SOBP: variants seen among roughly 807,000 people sequenced by gnomAD.
The protein encoded by SOBP is sine oculis-binding protein homolog.
In SOBP, 4 loss-of-function variants were observed where a neutral mutation model predicts 53.6. That is an observed-to-expected ratio of 0.07 (90% CI 0.04 to 0.17). The LOEUF is 0.17. Among genes scored for constraint, SOBP ranks in the 10% least tolerant of loss-of-function variants. The probability of loss-of-function intolerance (pLI) is 1.00; values close to 1 mark genes in which losing one functional copy is unlikely to be tolerated. For missense variants in SOBP, 1,088 were observed against 1,204.7 expected (o/e 0.90, Z 1.43); for synonymous variants, 584 against 522.6 (o/e 1.12, Z -1.60).
chr6:107,516,000 T>C (rs1783308649), intron 3 of SOBP, among the ~76,000 whole-genome samples: 1 of 152,078 alleles, frequency 6.6e-6, no homozygotes, highest in Admixed American at 6.5e-5. Flanking sequence ...GCAACAATTT[T>C]GATAAAATTT....
intron 4 of SOBP, among the ~76,000 whole-genome samples, chr6:107,547,733 A>G (rs1784341664): frequency 6.6e-6 from 1 of 152,238 alleles, no homozygotes; most frequent in African/African-American, 2.4e-5. Flanking sequence ...CAGATGGTTT[A>G]ATACATAGTA....
intron 4 of SOBP, among the ~76,000 whole-genome samples, chr6:107,542,811 A>G (rs1481336616): frequency 6.6e-6 from 1 of 150,564 alleles, no homozygotes. Context: ...CCAGGGAGGG[A>G]TGCTGTTGGG....
At chr6:107,520,592 T>C (rs1783454630) in intron 3 of SOBP, among the ~76,000 whole-genome samples, 1 of 152,200 alleles carries the variant, frequency 6.6e-6, no homozygotes. Context: ...ACTTTCAGGA[T>C]ACCTTGTCCC....
At chr6:107,551,416 G>A (rs1274094650) in intron 4 of SOBP, among the ~76,000 whole-genome samples, 3 of 151,830 alleles carry the variant, frequency 2.0e-5, no homozygotes, top group South Asian at 2.1e-4. Context: ...AATTTAGTAC[G>A]CACACACACA....
intron 5 of SOBP, among the ~76,000 whole-genome samples, chr6:107,605,317 C>T (rs1786334008): frequency 6.6e-6 from 1 of 152,250 alleles, no homozygotes; most frequent in Non-Finnish European, 1.5e-5. Context: ...ATGGGGCTAG[C>T]AAACTGAAGT....
chr6:107,501,460 A>G (rs189514636), intron 1 of SOBP, among the ~76,000 whole-genome samples: 4 of 152,358 alleles, frequency 2.6e-5, no homozygotes, highest in East Asian at 1.9e-4. Context: ...TGACCGGTCT[A>G]TAAAACTGGA....
chr6:107,643,486 G>A (rs1307876341), intron 6 of SOBP, among the ~76,000 whole-genome samples: 5 of 151,854 alleles, frequency 3.3e-5, no homozygotes, highest in African/African-American at 9.7e-5. Flanking sequence ...ACGCGATCTC[G>A]GCCCACTATA....
intron 2 of SOBP, among the ~76,000 whole-genome samples, chr6:107,505,677 G>A (rs982691033): frequency 1.3e-5 from 2 of 151,908 alleles, no homozygotes; most frequent in Non-Finnish European, 2.9e-5. Context: ...TTGAGATGGA[G>A]TCTTGCTCTG....
At chr6:107,532,917 G>T (rs1191138661) in intron 3 of SOBP, among the ~76,000 whole-genome samples, 2 of 152,136 alleles carry the variant, frequency 1.3e-5, no homozygotes, top group East Asian at 3.9e-4. Flanking sequence ...GACTAAACGT[G>T]TTGCTTGGGA....
At chr6:107,657,216 C>T (rs924529469) in intron 6 of SOBP, among the ~76,000 whole-genome samples, 11 of 152,190 alleles carry the variant, frequency 7.2e-5, no homozygotes, top group Non-Finnish European at 1.5e-4. Context: ...TATTTCAAAC[C>T]AAGTGACTGG....
At chr6:107,627,500 G>A (rs1274840966) in intron 5 of SOBP, among the ~76,000 whole-genome samples, 1 of 152,200 alleles carries the variant, frequency 6.6e-6, no homozygotes, top group Non-Finnish European at 1.5e-5. Flanking sequence ...ATGGTATAAA[G>A]TTCCTACAGG....
chr6:107,634,505 G>T lies in SOBP; in HGVS notation c.1661G>T (p.Gly554Val). The T allele has an allele frequency of 6.2e-7, 1 of 1,611,484 alleles. No homozygotes were observed. The highest frequency in any genetic ancestry group is 8.5e-7 in the Non-Finnish European group (1 of 1,179,878). Reference sequence around the variant, plus strand: ...GTCAGCGACTCCAAGCCCCCCAACGGGTTCTCCAGCAACGGGGAGAACTTC... The same window carrying T: ...GTCAGCGACTCCAAGCCCCCCAACGTGTTCTCCAGCAACGGGGAGAACTTC... ...PHVSDSKPPN[G>V]FSSNGENFIP... The change falls in exon 6 of 7, where the codon GGG becomes GTG. Residue 554 changes from glycine (G) to valine (V), a missense_variant. Gly to Val is a moderately radical substitution (Grantham distance 109, BLOSUM62 -3). Around this residue, in one of 6 missense-constraint regions of SOBP, gnomAD observed 665 missense variants for 629.7 expected, o/e 1.06. Transcript: ENST00000317357. The surrounding 1 kb of genome is among the most constrained non-coding windows in gnomAD (Gnocchi z 4.5).
chr6:107,625,555 G>A (rs1029255816), intron 5 of SOBP, among the ~76,000 whole-genome samples: 1 of 152,222 alleles, frequency 6.6e-6, no homozygotes, highest in African/African-American at 2.4e-5. Context: ...GGTGCCATTA[G>A]TTCTGCTCAG....
At chr6:107,597,736 G>A (rs1785998637) in intron 5 of SOBP, among the ~76,000 whole-genome samples, 1 of 152,128 alleles carries the variant, frequency 6.6e-6, no homozygotes, top group Non-Finnish European at 1.5e-5. Flanking sequence ...CATCAAATCA[G>A]CCAAGTTGAA....
At chr6:107,577,282 C>T (rs556861540) in intron 4 of SOBP, among the ~76,000 whole-genome samples, 41 of 152,342 alleles carry the variant, frequency 2.7e-4, no homozygotes, top group South Asian at 2.1e-3. Context: ...AATTAGCCAT[C>T]GACCTGCTCA....
intron 4 of SOBP, among the ~76,000 whole-genome samples, chr6:107,545,100 T>C (rs1212783928): frequency 1.3e-5 from 2 of 152,146 alleles, no homozygotes; most frequent in Non-Finnish European, 2.9e-5. Flanking sequence ...TGGGCAAAAA[T>C]GCACTGATTT....
At chr6:107,641,949 C>T (rs1380187702) in intron 6 of SOBP, among the ~76,000 whole-genome samples, 1 of 152,216 alleles carries the variant, frequency 6.6e-6, no homozygotes, top group Non-Finnish European at 1.5e-5. Context: ...CCGTGTCCTG[C>T]ACAACTTATT....
At chr6:107,507,072 A>G (rs1371855956) in intron 3 of SOBP, among the ~76,000 whole-genome samples, 1 of 151,846 alleles carries the variant, frequency 6.6e-6, no homozygotes, top group African/African-American at 2.4e-5. Context: ...GTCTCAAAAA[A>G]AAAAAAAAGT....
intron 6 of SOBP, among the ~76,000 whole-genome samples, chr6:107,639,995 G>A (rs1477035075): frequency 6.6e-6 from 1 of 152,144 alleles, no homozygotes; most frequent in African/African-American, 2.4e-5. Flanking sequence ...TCAGCAGGGG[G>A]GACTTGACAT....
Sources: gnomAD v4.1 joint callset for allele counts (sites outside exome capture counted in the v4.1 genomes callset) on GRCh38, gnomAD v4.1.1 for gene constraint, gnomAD v4.1.1 regional missense constraint, Gnocchi (gnomAD v3.1) non-coding constraint, MANE v1.5 for transcripts, NCBI Gene and HGNC (gene_info 2026-07-23, HGNC 2026-07-21) for gene names.